The following IFT43 variants were observed in gnomAD, a reference collection of about 807,000 sequenced individuals.
The protein encoded by IFT43 is intraflagellar transport 43.
Under a neutral mutation model 32.3 loss-of-function variants are expected in IFT43, and 33 were observed. The ratio of observed to expected loss-of-function variants is 1.02; its 90% CI spans 0.77 to 1.37. IFT43 has a LOEUF of 1.37. Among genes scored for constraint, IFT43 ranks in the 40% most tolerant of loss-of-function variants. IFT43 has a pLI of 0.00. For missense variants in IFT43, 274 were observed against 265.9 expected (o/e 1.03, Z -0.21); for synonymous variants, 93 against 98.2 (o/e 0.95, Z 0.31).
At chr14:76,059,787 C>T (rs867688615) in intron 5 of IFT43, among the ~76,000 whole-genome samples, 2 of 152,188 alleles carry the variant, frequency 1.3e-5, no homozygotes, top group Non-Finnish European at 2.9e-5. Context: ...AGCATTTTCT[C>T]TCACCACAAC....
At chr14:75,988,027 C>G (rs192014408) in intron 1 of IFT43, among the ~76,000 whole-genome samples, 1 of 152,306 alleles carries the variant, frequency 6.6e-6, no homozygotes, top group East Asian at 1.9e-4. Context: ...TCCTAAAATC[C>G]TGCGTAGGAA....
chr14:75,996,858 T>C (rs1462070116), intron 2 of IFT43, among the ~76,000 whole-genome samples: 1 of 152,234 alleles, frequency 6.6e-6, no homozygotes, highest in East Asian at 1.9e-4. Context: ...TATTCATTCA[T>C]TTATGAAACT....
intron 5 of IFT43, among the ~76,000 whole-genome samples, chr14:76,063,509 T>G (rs2037178851): frequency 6.6e-6 from 1 of 152,254 alleles, no homozygotes; most frequent in Admixed American, 6.5e-5. Context: ...TCCCCCAAGC[T>G]GTGCCAAAGT....
At chr14:76,029,554 A>G (rs1406456958) in intron 3 of IFT43, among the ~76,000 whole-genome samples, 1 of 152,118 alleles carries the variant, frequency 6.6e-6, no homozygotes, top group Non-Finnish European at 1.5e-5. Context: ...ATCCAGAAGG[A>G]TATTTCCTAG....
intron 3 of IFT43, among the ~76,000 whole-genome samples, chr14:76,035,813 A>T (rs189615395): frequency 0.016 from 2,439 of 152,104 alleles, 70 homozygotes; most frequent in African/African-American, 0.051. Context: ...ATGTGGGCAC[A>T]CCCTGCCTGT....
At chr14:76,056,310 ATCTT>A (rs2037014154) in intron 3 of IFT43, among the ~76,000 whole-genome samples, 3 of 152,194 alleles carry the variant, frequency 2.0e-5, no homozygotes, top group Non-Finnish European at 4.4e-5. Context: ...ACTCCATTTG[ATCTT>A]TCTTCCTTCC....
chr14:76,016,877 G>A (rs979102334), intron 2 of IFT43, among the ~76,000 whole-genome samples: 1 of 152,046 alleles, frequency 6.6e-6, no homozygotes, highest in African/African-American at 2.4e-5. Flanking sequence ...AAACACTACT[G>A]ATTTTTGTGT....
At chr14:76,047,132 T>C (rs552283841) in intron 3 of IFT43, among the ~76,000 whole-genome samples, 4 of 152,254 alleles carry the variant, frequency 2.6e-5, no homozygotes, top group Non-Finnish European at 5.9e-5. Flanking sequence ...TACTGTTGCA[T>C]TGGGGATTAA....
intron 2 of IFT43, among the ~76,000 whole-genome samples, chr14:76,018,019 T>C (rs1211861664): frequency 6.6e-6 from 1 of 152,088 alleles, no homozygotes; most frequent in Non-Finnish European, 1.5e-5. Flanking sequence ...TCATTGATCG[T>C]TTGTATTTTT....
At chr14:76,031,374 T>TA (rs1164725237) in intron 3 of IFT43, among the ~76,000 whole-genome samples, 1 of 152,228 alleles carries the variant, frequency 6.6e-6, no homozygotes, top group Non-Finnish European at 1.5e-5. Context: ...TCTTTGTACT[T>TA]ACCCGAGTCT....
chr14:76,010,038 T>A (rs1250161937), intron 2 of IFT43, among the ~76,000 whole-genome samples: 1 of 152,086 alleles, frequency 6.6e-6, no homozygotes, highest in Non-Finnish European at 1.5e-5. Flanking sequence ...CAGGTGATCC[T>A]CCCTCCTCGG....
At chr14:75,995,626 TG>T (rs2035729901) in intron 2 of IFT43, among the ~76,000 whole-genome samples, 1 of 152,178 alleles carries the variant, frequency 6.6e-6, no homozygotes, top group Admixed American at 6.5e-5. Context: ...GTCCCCTTAC[TG>T]GTCTGCCAGC....
At chr14:75,993,527 GA>G (rs1460797292) in intron 2 of IFT43, among the ~76,000 whole-genome samples, 2 of 152,292 alleles carry the variant, frequency 1.3e-5, no homozygotes, top group East Asian at 3.9e-4. Context: ...TGTCTTTTAG[GA>G]TAGATTAATT....
chr14:76,011,442 C>A (rs75673730), intron 2 of IFT43, among the ~76,000 whole-genome samples: 2,131 of 152,296 alleles, frequency 0.014, 57 homozygotes, highest in African/African-American at 0.044. Context: ...CAAGTAGCAG[C>A]ACATTACGTC....
chr14:76,069,513 A>C (rs958444535), intron 5 of IFT43, among the ~76,000 whole-genome samples: 1 of 152,020 alleles, frequency 6.6e-6, no homozygotes, highest in Admixed American at 6.5e-5. Context: ...CAGGAAGTCA[A>C]CTCTGGATAG....
chr14:76,084,061 G>A (rs919953215), downstream of IFT43: 10 of 446,168 alleles, frequency 2.2e-5, no homozygotes, highest in Non-Finnish European at 4.5e-5. Context: ...GGAGGAGGCG[G>A]CGGGAGGGAT....
chr14:76,021,135 G>T (rs777494055), intron 2 of IFT43, among the ~76,000 whole-genome samples: 10 of 151,998 alleles, frequency 6.6e-5, no homozygotes, highest in Admixed American at 2.0e-4. Flanking sequence ...GCTGGCAGTG[G>T]TGGTGGTGGG....
intron 2 of IFT43, among the ~76,000 whole-genome samples, chr14:76,015,904 G>C (rs1316214281): frequency 6.6e-6 from 1 of 152,160 alleles, no homozygotes; most frequent in Non-Finnish European, 1.5e-5. Flanking sequence ...TGTGGTTTTG[G>C]ATTTGCATCT....
At chr14:76,003,695 TCC>T (rs2035931594) in intron 2 of IFT43, among the ~76,000 whole-genome samples, 1 of 152,078 alleles carries the variant, frequency 6.6e-6, no homozygotes, top group South Asian at 2.1e-4. Flanking sequence ...AGTCCATTTG[TCC>T]CCCCAGTCCT....
Sources: gnomAD v4.1 joint callset for allele counts (sites outside exome capture counted in the v4.1 genomes callset) on GRCh38, gnomAD v4.1.1 for gene constraint, MANE v1.5 for transcripts, NCBI Gene and HGNC (gene_info 2026-07-23, HGNC 2026-07-21) for gene names.